The following TTLL6 variants were observed in gnomAD, a reference collection of about 807,000 sequenced individuals.
TTLL6 encodes tubulin tyrosine ligase like 6.
Under a neutral mutation model 96.4 loss-of-function variants are expected in TTLL6, and 75 were observed. The observed-to-expected ratio is 0.78, with a 90% CI of 0.65 to 0.94. The LOEUF (loss-of-function observed/expected upper bound fraction) is 0.94, where lower values mean the gene tolerates loss of function less well. Among genes scored for constraint, TTLL6 ranks in the 40% least tolerant of loss-of-function variants. TTLL6 has a pLI of 0.00. For missense variants in TTLL6, 1,030 were observed against 1,093.0 expected (o/e 0.94, Z 0.81); for synonymous variants, 411 against 419.4 (o/e 0.98, Z 0.24).
chr17:48,782,231 G>A (rs1413839746), intron 13 of TTLL6, among the ~76,000 whole-genome samples: 5 of 150,694 alleles, frequency 3.3e-5, no homozygotes, highest in Non-Finnish European at 7.4e-5. Flanking sequence ...TCAGCTCCCC[G>A]AGTAGCTGGG....
chr17:48,779,142 T>C (rs2143269567), intron 13 of TTLL6, among the ~76,000 whole-genome samples: 1 of 151,582 alleles, frequency 6.6e-6, no homozygotes, highest in East Asian at 1.9e-4. Flanking sequence ...TTGAATATAC[T>C]TGACAAAGAA....
intron 6 of TTLL6, among the ~76,000 whole-genome samples, chr17:48,798,299 G>C (rs987684758): frequency 6.6e-6 from 1 of 152,012 alleles, no homozygotes; most frequent in Non-Finnish European, 1.5e-5. Flanking sequence ...GGGCACAAGG[G>C]TTCACACCTG....
chr17:48,802,849 C>T (rs1371628494), intron 3 of TTLL6, among the ~76,000 whole-genome samples: 8 of 151,884 alleles, frequency 5.3e-5, no homozygotes, highest in South Asian at 2.1e-4. Context: ...CCAGCCTGGG[C>T]GACAGAGCGA....
chr17:48,807,658 T>G (rs1354623076), intron 1 of TTLL6, among the ~76,000 whole-genome samples: 2 of 150,628 alleles, frequency 1.3e-5, no homozygotes, highest in Non-Finnish European at 3.0e-5. Flanking sequence ...ATTACAGGCA[T>G]GCACCACCAC....
rs1443278657 is a variant in TTLL6, at chr17:48,769,191, A to G, written c.2474T>C (p.Leu825Pro). 6.2e-7 allele frequency: 1 copy of G among 1,613,864 alleles called. No individual in the cohort carries two copies. The highest frequency in any genetic ancestry group is 1.3e-5 in the African/African-American group (1 of 75,054). The change falls in exon 15 of 16, where the codon CTG becomes CCG. Residue 825 changes from leucine to proline, a missense_variant. Coordinates refer to ENST00000393382, the MANE Select transcript of TTLL6 (RefSeq NM_001130918.3). The part of the protein sequence containing the change: ...RSDSSGEKRQ[L>P]DVSSLLLQSP... ...CTGCAAGAGGAGGGAGGACACATCC[A>G]GCTGCCTCTTCTCGCCAGAGCTGTC...
At chr17:48,787,064 C>T (rs981939319) in intron 11 of TTLL6, among the ~76,000 whole-genome samples, 3 of 152,014 alleles carry the variant, frequency 2.0e-5, no homozygotes, top group Admixed American at 1.3e-4. Flanking sequence ...CTCCTGACCT[C>T]GTGATCCACC....
At position 48,797,004 on chromosome 17, in the gene TTLL6, T is replaced by C. The variant is rs2039327239; in HGVS notation, c.912+57A>G. On this transcript the variant is annotated intron_variant, in intron 7 of 15. Coordinates refer to ENST00000393382, the MANE Select transcript of TTLL6 (RefSeq NM_001130918.3). ...GAGGATGTGGATTTAACTAGAATTT[T>C]TTTTTTTTTAATCACGCTATGGGGG... The C allele has an allele frequency of 2.1e-6, 3 of 1,458,486 alleles. No individual in the cohort carries two copies. The Admixed American group carries it at 7.9e-5, about 38-fold the overall frequency. 90.3% of individuals were successfully genotyped at this position (1,458,486 alleles called of 1,614,324 possible).
intron 1 of TTLL6, chr17:48,812,377 T>G (rs950284755): frequency 2.0e-5 from 3 of 152,176 alleles, no homozygotes; most frequent in African/African-American, 7.2e-5. Context: ...AGCCACTTAT[T>G]AAGAGGCAGC....
At chr17:48,788,063 T>C in intron 10 of TTLL6, 64 bp from the exon 11 acceptor site, 1 of 1,528,838 alleles carries the variant, frequency 6.5e-7, no homozygotes, top group African/African-American at 1.4e-5. Context: ...GGAAGGGATA[T>C]GTCCAAGCTG....
At position 48,804,858 on chromosome 17, in the gene TTLL6, C is replaced by A. The variant is rs773980144; in HGVS notation, c.237G>T (p.Ala79=). 3.2e-6 allele frequency: 5 copies of A among 1,552,344 alleles called. No homozygotes were observed. The South Asian group carries it at 3.6e-5, about 11-fold the overall frequency. The change falls in exon 2 of 16, where the codon GCG becomes GCT. Residue 79 remains alanine, a synonymous_variant. Transcript: ENST00000393382. ...CTGGGTTCTCTCTCACAAAAGCCAG[C>A]GCGACGGTTTCTTTTGGATCTTCTT... The part of the protein sequence containing the change: ...SSKEDPKETV[A]LAFVRENPGA...
intron 13 of TTLL6, 83 bp downstream of exon 13, chr17:48,784,840 G>A (rs1319509822): frequency 8.1e-7 from 1 of 1,235,968 alleles, no homozygotes; most frequent in Non-Finnish European, 1.1e-6. Flanking sequence ...CTTACTCAAA[G>A]GGTCACAGCA....
At chr17:48,808,252 C>T (rs1291466189) in intron 1 of TTLL6, among the ~76,000 whole-genome samples, 1 of 152,160 alleles carries the variant, frequency 6.6e-6, no homozygotes, top group East Asian at 1.9e-4. Flanking sequence ...TAATATTATA[C>T]AAATAGCTCT....
intron 1 of TTLL6, among the ~76,000 whole-genome samples, chr17:48,810,823 G>GTATATATATA (rs1378796331): frequency 1.5e-5 from 1 of 65,820 alleles, no homozygotes; most frequent in Non-Finnish European, 3.0e-5. Flanking sequence ...TAGTATGTGT[G>GTATATATATA]TGTATATATA....
At position 48,774,230 on chromosome 17, in the gene TTLL6, G is replaced by GTTTTTTTTTT. The variant is rs753077737; in HGVS notation, c.2041-4134_2041-4133insAAAAAAAAAA. On this transcript the variant is annotated intron_variant, in intron 13 of 15. Transcript: ENST00000393382. ...CTCAATGAAACCAAAATCCAGGTTT[G>GTTTTTTTTTT]TTGTTTTTTTTTTTTTTTTTTTGAG... is the stretch of plus-strand genomic sequence containing the variant. 8.2e-4 allele frequency among the ~76,000 whole-genome samples: 97 copies of GTTTTTTTTTT among 117,768 alleles called. 6 individuals are homozygous for GTTTTTTTTTT. Among genetic ancestry groups the GTTTTTTTTTT allele is most frequent in the African/African-American group, 1.5e-3 (48 of 32,564 alleles). The allele number at this position is 117,768 out of a possible 152,430, so 77.3% of individuals were successfully genotyped here.
chr17:48,817,040 C>G lies in TTLL6; in HGVS notation c.33G>C (p.Arg11Ser). The G allele has an allele frequency of 1.3e-6, 2 of 1,544,570 alleles. No individual in the cohort carries two copies. The highest frequency in any genetic ancestry group is 1.7e-6 in the Non-Finnish European group (2 of 1,145,820). ...AGCTTGCAACCACACCTGCCGGCCCCCTCCTCGAAGGATGAAGGAGTAACG... is the reference window on the plus strand; with the variant it reads ...AGCTTGCAACCACACCTGCCGGCCCGCTCCTCGAAGGATGAAGGAGTAACG... MGALLLHPSR[R>S]GPAGVVASWT... is the part of the protein sequence containing the mutation. Residue 11 changes from arginine to serine, a missense_variant, in exon 1 of 16, where the codon AGG (arginine) becomes AGC (serine). Arg to Ser is a moderately radical substitution (Grantham distance 110). Transcript: ENST00000393382.
At chr17:48,766,441 C>G (rs997816553) in intron 15 of TTLL6, among the ~76,000 whole-genome samples, 1 of 152,228 alleles carries the variant, frequency 6.6e-6, no homozygotes, top group African/African-American at 2.4e-5. Context: ...GCAGGAAGCA[C>G]TTTATCACAC....
intron 13 of TTLL6, among the ~76,000 whole-genome samples, chr17:48,772,679 C>G (rs2038771545): frequency 1.4e-5 from 2 of 146,342 alleles, no homozygotes; most frequent in South Asian, 4.3e-4. Flanking sequence ...TGCAGTGAGC[C>G]AACATTGCAC....
rs770082557 is a variant in TTLL6, at chr17:48,769,087, T to C, written c.2578A>G (p.Arg860Gly). 5 of 1,614,238 alleles carry C rather than the reference T, an allele frequency of 3.1e-6. No individual in the cohort carries two copies. In the Admixed American group the frequency reaches 6.7e-5, roughly 22 times the overall value. ...TPAQLDPRPC[R>G]SHASAMRDPC... ...TCCCTCATAGCACTTGCGTGGCTTC[T>C]ACAAGGCCTTGGATCCAGTTGGGCT... The change falls in exon 15 of 16, where the codon AGA becomes GGA. Residue 860 changes from arginine to glycine, a missense_variant. Coordinates refer to ENST00000393382, the MANE Select transcript of TTLL6 (RefSeq NM_001130918.3).
chr17:48,805,349 A>T (rs1163593093), intron 1 of TTLL6, among the ~76,000 whole-genome samples: 2 of 152,228 alleles, frequency 1.3e-5, no homozygotes, highest in Non-Finnish European at 2.9e-5. Flanking sequence ...TGAGAGAGTT[A>T]GTCCTAGAGG....
Sources: gnomAD v4.1 joint callset for allele counts (sites outside exome capture counted in the v4.1 genomes callset) on GRCh38, gnomAD v4.1.1 for gene constraint, MANE v1.5 for transcripts, NCBI Gene and HGNC (gene_info 2026-07-23, HGNC 2026-07-21) for gene names.